MYO3B: variants seen among roughly 807,000 people sequenced by gnomAD.
MYO3B encodes myosin IIIB, also known as myosin-IIIb.
Under a neutral mutation model 174.6 loss-of-function variants are expected in MYO3B, and 156 were observed. That is an observed-to-expected ratio of 0.89 (90% confidence interval 0.78 to 1.02). The LOEUF (loss-of-function observed/expected upper bound fraction) is 1.02. MYO3B is among the 50% of genes least tolerant of loss of function. The pLI is 0.00. For missense variants in MYO3B, 1,632 were observed against 1,639.4 expected (o/e 1.00, Z 0.08); for synonymous variants, 563 against 569.1 (o/e 0.99, Z 0.15).
chr2:170,284,913 G>C (rs1311436784), intron 7 of MYO3B, among the ~76,000 whole-genome samples: 1 of 152,118 alleles, frequency 6.6e-6, no homozygotes, highest in Non-Finnish European at 1.5e-5. Context: ...TTATAATATA[G>C]AGTATGGTTT....
chr2:170,497,549 C>T (rs897057817), intron 25 of MYO3B, among the ~76,000 whole-genome samples: 1 of 151,718 alleles, frequency 6.6e-6, no homozygotes, highest in Non-Finnish European at 1.5e-5. Context: ...ACCCGGGAGG[C>T]AGAGCTTGCA....
rs1474998079 is a variant in MYO3B, at chr2:170,350,919, T to TG, written c.815+15470dup. On this transcript the variant is annotated intron_variant, in intron 8 of 34. Transcript: ENST00000408978. ...TGGAAGATATTTTCTGTAAAGGTGA[T>TG]GCCTTAGGTTTATACTTTTCCAAAC... 3.9e-5 allele frequency: 6 copies of TG among 152,288 alleles called. No homozygotes were observed. The East Asian group carries it at 9.7e-4, about 25-fold the overall frequency. The allele number at this position is 152,288 out of a possible 1,614,324, so 9.4% of individuals were successfully genotyped here.
intron 7 of MYO3B, 69 bp downstream of exon 7, chr2:170,236,205 ATAGT>A (rs1472402072): frequency 2.5e-6 from 4 of 1,583,504 alleles, no homozygotes; most frequent in Admixed American, 1.7e-5. Context: ...GGGATAATAA[ATAGT>A]TTGCAAGCAA....
At chr2:170,604,413 T>C (rs1337740932) in intron 32 of MYO3B, among the ~76,000 whole-genome samples, 1 of 152,190 alleles carries the variant, frequency 6.6e-6, no homozygotes, top group Non-Finnish European at 1.5e-5. Context: ...TAATCTTTTG[T>C]GCTATTTAAC....
Position 170,547,711 on chromosome 2 carries a change from A to G in MYO3B, c.3733+3723A>G, listed in dbSNP as rs543818117. 1.8e-3 allele frequency among the ~76,000 whole-genome samples: 279 copies of G among 152,352 alleles called. 1 individual carries two copies. Among genetic ancestry groups the G allele is most frequent in the Non-Finnish European group, 3.1e-3 (211 of 68,042 alleles). On this transcript the variant is annotated intron_variant, in intron 32 of 34. Coordinates refer to ENST00000408978, the MANE Select transcript of MYO3B (RefSeq NM_138995.5). ...ACAATAAAAATGAATTACTAACAAAATAATCATGCACTTGGATGTTGTGTC... is the reference window on the plus strand; with the variant it reads ...ACAATAAAAATGAATTACTAACAAAGTAATCATGCACTTGGATGTTGTGTC...
At chr2:170,543,796 A>C in intron 31 of MYO3B, 96 bp from the exon 32 acceptor site, 2 of 878,994 alleles carry the variant, frequency 2.3e-6, no homozygotes, top group Non-Finnish European at 3.5e-6. Flanking sequence ...GCTTTTAGTC[A>C]GGTTTAAGTG....
intron 25 of MYO3B, among the ~76,000 whole-genome samples, chr2:170,469,468 A>G (rs1437155249): frequency 6.6e-6 from 1 of 152,182 alleles, no homozygotes; most frequent in Non-Finnish European, 1.5e-5. Context: ...GTTGTTAACC[A>G]TTGAACAAAA....
At chr2:170,456,055 C>T (rs754499909) in intron 23 of MYO3B, among the ~76,000 whole-genome samples, 17 of 151,776 alleles carry the variant, frequency 1.1e-4, no homozygotes, top group Middle Eastern at 3.2e-3. Context: ...GATGTATTAA[C>T]GGGAATAGGG....
At chr2:170,354,820 G>A (rs1201252017) in intron 8 of MYO3B, among the ~76,000 whole-genome samples, 1 of 152,038 alleles carries the variant, frequency 6.6e-6, no homozygotes, top group Non-Finnish European at 1.5e-5. Context: ...GTTAATGGAG[G>A]AGTTTTAAGG....
chr2:170,180,176 A>G, intron 1 of MYO3B: 1 of 446,838 alleles, frequency 2.2e-6, no homozygotes, highest in Non-Finnish European at 4.5e-6. Flanking sequence ...CTTTACTTTC[A>G]ACAAGGTAAG....
chr2:170,212,020 G>A (rs1324231804), intron 3 of MYO3B, among the ~76,000 whole-genome samples: 1 of 151,586 alleles, frequency 6.6e-6, no homozygotes, highest in Non-Finnish European at 1.5e-5. Context: ...GAGGCTGGCA[G>A]ATCACCTGAG....
At chr2:170,570,773 A>ATTT (rs58728854) in intron 32 of MYO3B, among the ~76,000 whole-genome samples, 1 of 151,160 alleles carries the variant, frequency 6.6e-6, no homozygotes, top group African/African-American at 2.4e-5. Context: ...TCTTTATTTG[A>ATTT]TTTTTTTTTA....
At chr2:170,365,573 T>C (rs1389913934) in intron 8 of MYO3B, among the ~76,000 whole-genome samples, 1 of 152,182 alleles carries the variant, frequency 6.6e-6, no homozygotes, top group Non-Finnish European at 1.5e-5. Flanking sequence ...CTTTCCTCTA[T>C]TTATCTGTAA....
intron 7 of MYO3B, among the ~76,000 whole-genome samples, chr2:170,274,704 CT>C (rs1456431734): frequency 2.6e-5 from 4 of 152,032 alleles, no homozygotes; most frequent in Non-Finnish European, 5.9e-5. Context: ...ACTCTATGTG[CT>C]TATCAAAATG....
intron 22 of MYO3B, among the ~76,000 whole-genome samples, chr2:170,426,876 A>G (rs1000462854): frequency 5.9e-5 from 9 of 152,020 alleles, no homozygotes; most frequent in African/African-American, 2.2e-4. Flanking sequence ...AAAATTAGCC[A>G]GGCGTGGTGG....
chr2:170,627,843 C>A (rs995732158), intron 32 of MYO3B, among the ~76,000 whole-genome samples: 1 of 152,192 alleles, frequency 6.6e-6, no homozygotes, highest in Non-Finnish European at 1.5e-5. Context: ...TGGGTATCAC[C>A]AGCGGAGGGT....
intron 7 of MYO3B, among the ~76,000 whole-genome samples, chr2:170,279,692 C>T (rs1347524775): frequency 6.6e-6 from 1 of 152,086 alleles, no homozygotes; most frequent in Admixed American, 6.6e-5. Context: ...ATTTAGTTCC[C>T]ACTTTATAAG....
intron 7 of MYO3B, among the ~76,000 whole-genome samples, chr2:170,237,608 A>T (rs781433783): frequency 6.6e-6 from 1 of 152,058 alleles, no homozygotes; most frequent in Non-Finnish European, 1.5e-5. Context: ...TTCTGTGCCC[A>T]GCCAAGCTTC....
intron 8 of MYO3B, among the ~76,000 whole-genome samples, chr2:170,363,087 A>C (rs897494988): frequency 3.9e-5 from 6 of 152,226 alleles, no homozygotes; most frequent in African/African-American, 1.4e-4. Flanking sequence ...AGTGAATCAC[A>C]CGGCAGGGAA....
Sources: gnomAD v4.1 joint callset for allele counts (sites outside exome capture counted in the v4.1 genomes callset) on GRCh38, gnomAD v4.1.1 for gene constraint, MANE v1.5 for transcripts, NCBI Gene and HGNC (gene_info 2026-07-23, HGNC 2026-07-21) for gene names.